Variants in CADPS observed in about 807,000 individuals in gnomAD.
CADPS encodes the protein calcium-dependent secretion activator 1.
A neutral mutation model predicts 167.3 loss-of-function variants in CADPS; 57 were observed. That is an observed-to-expected ratio of 0.34 (90% CI 0.28 to 0.42). CADPS has a LOEUF of 0.42. Ranked by LOEUF, CADPS falls within the 20% of genes least tolerant of loss-of-function variation. The pLI is 1.00. For missense variants in CADPS, 1,414 were observed against 1,738.1 expected, an observed-to-expected ratio of 0.81 and a Z score of 3.32; for synonymous variants, 676 against 635.3, an observed-to-expected ratio of 1.06 and a Z score of -0.96.
intron 26 of CADPS, among the ~76,000 whole-genome samples, chr3:62,448,772 C>A (rs971788594): frequency 6.6e-6 from 1 of 152,070 alleles, no homozygotes; most frequent in Non-Finnish European, 1.5e-5. Flanking sequence ...CACCACCACA[C>A]CCAGCTAATT....
intron 1 of CADPS, among the ~76,000 whole-genome samples, chr3:62,816,274 C>T (rs768763844): frequency 6.6e-6 from 1 of 152,106 alleles, no homozygotes; most frequent in Non-Finnish European, 1.5e-5. Context: ...GTTTAGCTAA[C>T]TGAAGGCTTT....
intron 17 of CADPS, among the ~76,000 whole-genome samples, chr3:62,511,466 A>G (rs192460958): frequency 6.6e-6 from 1 of 152,240 alleles, no homozygotes; most frequent in East Asian, 1.9e-4. Context: ...TCCCTCTTAT[A>G]AGGGATTTTG....
chr3:62,614,854 G>T (rs1013034313), intron 6 of CADPS, among the ~76,000 whole-genome samples: 2 of 152,188 alleles, frequency 1.3e-5, no homozygotes, highest in Non-Finnish European at 2.9e-5. Context: ...TCTTGGATAA[G>T]TACCCTCACC....
rs1578593536 is a variant in CADPS at position 62,602,062 on chromosome 3, T to C, written c.1326-9314A>G. Among the ~76,000 whole-genome samples, 2 of 152,254 alleles carry C rather than the reference T, an allele frequency of 1.3e-5. No individual in the cohort carries two copies. The highest frequency in any genetic ancestry group is 4.2e-4 in the South Asian group (2 of 4,818). On this transcript the variant is annotated intron_variant, in intron 6 of 29. Transcript: ENST00000383710. This position sits in a 1 kb window ranked among gnomAD's most constrained non-coding sequence, Gnocchi z 4.4. Reference sequence around the variant, plus strand: ...GCTAATCAAATACACACAGTAATTTTCATTAGAATTTTTCCCCCCATGAAC... The same window carrying C: ...GCTAATCAAATACACACAGTAATTTCCATTAGAATTTTTCCCCCCATGAAC...
At chr3:62,530,714 G>C (rs937682112) in intron 13 of CADPS, 2 of 1,288,612 alleles carry the variant, frequency 1.6e-6, no homozygotes, top group Non-Finnish European at 2.0e-6. Context: ...TTCCTTTTTG[G>C]TATCTTTTTT....
At chr3:62,771,731 G>T (rs892060690) in intron 1 of CADPS, among the ~76,000 whole-genome samples, 1 of 152,176 alleles carries the variant, frequency 6.6e-6, no homozygotes, top group East Asian at 1.9e-4. Context: ...GATTATTGTA[G>T]AAGACAGTGC....
intron 6 of CADPS, among the ~76,000 whole-genome samples, chr3:62,599,780 T>TATATTTTATATATTG (rs1491429269): frequency 1.6e-4 from 2 of 12,320 alleles, no homozygotes; most frequent in African/African-American, 6.0e-4. Flanking sequence ...AATATATATA[T>TATATTTTATATATTG]TATATATAAT....
intron 6 of CADPS, among the ~76,000 whole-genome samples, chr3:62,631,878 T>C (rs575856951): frequency 1.3e-5 from 2 of 152,092 alleles, no homozygotes; most frequent in South Asian, 2.1e-4. Context: ...AAAACAAATA[T>C]AGCAAGTGAC....
chr3:62,568,804 T>C (rs1562277137), intron 9 of CADPS, among the ~76,000 whole-genome samples: 1 of 152,242 alleles, frequency 6.6e-6, no homozygotes, highest in Non-Finnish European at 1.5e-5. Flanking sequence ...ATGCTGGCCC[T>C]GTTCTTAACA....
chr3:62,442,574 T>C (rs1223572582), intron 27 of CADPS, among the ~76,000 whole-genome samples: 3 of 152,162 alleles, frequency 2.0e-5, no homozygotes, highest in Non-Finnish European at 2.9e-5. Flanking sequence ...TGATTTGTAG[T>C]GTTTACCAAT....
At chr3:62,628,786 C>A (rs919184474) in intron 6 of CADPS, among the ~76,000 whole-genome samples, 18 of 152,112 alleles carry the variant, frequency 1.2e-4, no homozygotes, top group African/African-American at 4.3e-4. Flanking sequence ...GCCACTACAC[C>A]TGGCCAATTT....
At chr3:62,730,648 G>T (rs1234078591) in intron 3 of CADPS, among the ~76,000 whole-genome samples, 1 of 152,200 alleles carries the variant, frequency 6.6e-6, no homozygotes, top group Non-Finnish European at 1.5e-5. Flanking sequence ...GGTACCTTCA[G>T]GGTTGCACCA....
At chr3:62,434,952 G>A (rs2054682601) in intron 28 of CADPS, among the ~76,000 whole-genome samples, 2 of 152,086 alleles carry the variant, frequency 1.3e-5, no homozygotes, top group South Asian at 4.2e-4. Context: ...CTTAGAACAT[G>A]CCTCTGAATG....
At chr3:62,648,555 A>C (rs1000728081) in intron 5 of CADPS, among the ~76,000 whole-genome samples, 5 of 151,736 alleles carry the variant, frequency 3.3e-5, no homozygotes, top group Admixed American at 2.0e-4. Flanking sequence ...GGTGGTGTGC[A>C]CCTGTAGTCC....
At chr3:62,554,167 C>T (rs749071078) in intron 10 of CADPS, among the ~76,000 whole-genome samples, 7 of 152,124 alleles carry the variant, frequency 4.6e-5, no homozygotes, top group Admixed American at 6.5e-5. Context: ...ATTATCTAAT[C>T]GGATAGAAAT....
In CADPS at chr3:62,753,024, A is replaced by G. The variant is rs186595703; in HGVS notation, c.888+417T>C. ...TGCAAGCTTTCCATTTTAAAAAATT[A>G]TTCTTGACAGGCAGGTGCTAAGTTC... On this transcript the variant is annotated intron_variant, in intron 3 of 29. Coordinates refer to ENST00000383710, the MANE Select transcript of CADPS (RefSeq NM_003716.4). The surrounding 1 kb of genome is among the most constrained non-coding windows in gnomAD (Gnocchi z 4.6). Among the ~76,000 whole-genome samples the G allele has an allele frequency of 6.6e-6, 1 of 152,214 alleles. No homozygotes were observed. The highest frequency in any genetic ancestry group is 2.4e-5 in the African/African-American group (1 of 41,458).
intron 28 of CADPS, among the ~76,000 whole-genome samples, chr3:62,406,929 A>C (rs908715051): frequency 9.2e-5 from 14 of 152,212 alleles, no homozygotes; most frequent in African/African-American, 3.4e-4. Context: ...CACAGGCTCT[A>C]ACATCCACCT....
intron 3 of CADPS, among the ~76,000 whole-genome samples, chr3:62,666,056 C>T (rs2074339922): frequency 6.6e-6 from 1 of 152,196 alleles, no homozygotes; most frequent in South Asian, 2.1e-4. Context: ...CAGTGTCCCT[C>T]ACTGGCGTGA....
intron 28 of CADPS, among the ~76,000 whole-genome samples, chr3:62,411,194 CTGTT>C (rs1487756554): frequency 2.0e-5 from 3 of 152,180 alleles, no homozygotes; most frequent in Non-Finnish European, 4.4e-5. Flanking sequence ...AATTTGGTAA[CTGTT>C]TGGTAACCAA....
Sources: gnomAD v4.1 joint callset for allele counts (sites outside exome capture counted in the v4.1 genomes callset) on GRCh38, gnomAD v4.1.1 for gene constraint, Gnocchi (gnomAD v3.1) non-coding constraint, MANE v1.5 for transcripts, NCBI Gene and HGNC (gene_info 2026-07-23, HGNC 2026-07-21) for gene names.